The following OCEL1 variants were observed in gnomAD, a reference collection of about 807,000 sequenced individuals.
OCEL1 encodes occludin/ELL domain containing 1, also known as occludin/ELL domain-containing protein 1.
OCEL1 carries 24 observed loss-of-function variants against 29.4 expected under a neutral mutation model. The ratio of observed to expected loss-of-function variants is 0.82; its 90% CI spans 0.59 to 1.15. The LOEUF (loss-of-function observed/expected upper bound fraction) is 1.15. Ranked by LOEUF, OCEL1 falls within the 50% of genes most tolerant of loss-of-function variation. OCEL1 has a pLI of 0.00. For missense variants in OCEL1, 402 were observed against 352.5 expected, an observed-to-expected ratio of 1.14 and a Z score of -1.13; for synonymous variants, 172 against 145.3, an observed-to-expected ratio of 1.18 and a Z score of -1.32.
chr19:17,227,477 G>T (rs1432078803), intron 3 of OCEL1, among the ~76,000 whole-genome samples: 2 of 152,210 alleles, frequency 1.3e-5, no homozygotes, highest in East Asian at 3.9e-4. Context: ...GATCACCTGA[G>T]GTCAGGAGTT....
rs757826867 is a variant in OCEL1 at position 17,228,774 on chromosome 19, CA to C, written c.673-26del. 4 of 1,608,772 alleles carry C rather than the reference CA, an allele frequency of 2.5e-6. No homozygotes were observed. In the South Asian group the frequency reaches 3.3e-5, roughly 13 times the overall value. Reference sequence around the variant, plus strand: ...TTGAAGGCCACAGGGCAGACTGCTGCAAAGACTTCCGGGTCTCGCCCTGCCT... The same window carrying C: ...TTGAAGGCCACAGGGCAGACTGCTGCAAGACTTCCGGGTCTCGCCCTGCCT... On this transcript the variant is annotated intron_variant, in intron 5 of 5. Coordinates refer to ENST00000215061, the MANE Select transcript of OCEL1 (RefSeq NM_024578.3).
In OCEL1 at chr19:17,226,257, C is replaced by T. The variant is rs116007369; in HGVS notation, c.10C>T (p.Pro4Ser). 4 of 1,611,116 alleles carry T rather than the reference C, an allele frequency of 2.5e-6. No individual in the cohort carries two copies. The highest frequency in any genetic ancestry group is 1.1e-5 in the South Asian group (1 of 90,544). MHNPDGSASPTADP... is the reference protein window; with the variant it reads MHNSDGSASPTADP... ...GTCCATCCTGCAGTAAATGCACAACCCGGACGGAAGTGCCTCTCCGACAGC... is the reference window on the plus strand; with the variant it reads ...GTCCATCCTGCAGTAAATGCACAACTCGGACGGAAGTGCCTCTCCGACAGC... The change falls in exon 1 of 6, where the codon CCG (proline) becomes TCG (serine). Residue 4 changes from proline (P) to serine (S), a missense_variant. Physicochemically the swap from Pro to Ser is moderately conservative, Grantham distance 74. Transcript: ENST00000215061.
At position 17,228,244 on chromosome 19, in the gene OCEL1, C is replaced by T; in HGVS notation, c.619-12C>T. 6.2e-7 allele frequency: 1 copy of T among 1,614,012 alleles called. No homozygotes were observed. Among genetic ancestry groups the T allele is most frequent in the Non-Finnish European group, 8.5e-7 (1 of 1,179,966 alleles). On this transcript the variant is annotated splice_polypyrimidine_tract_variant and intron_variant, in intron 4 of 5. Coordinates refer to ENST00000215061, the MANE Select transcript of OCEL1 (RefSeq NM_024578.3). The stretch of plus-strand genomic sequence containing the variant: ...CTCTCCCTAAACCCCCTTTCTACTC[C>T]TCCCCTTGCAGAAGGAGGCCCAAGT...
chr19:17,227,764 GA>G (rs1393480042), intron 3 of OCEL1, 75 bp from the exon 4 acceptor site: 1 of 1,523,504 alleles, frequency 6.6e-7, no homozygotes, highest in Admixed American at 1.9e-5. Flanking sequence ...CATGGACAAA[GA>G]AAAGCAAATT....
chr19:17,227,134 GAA>G lies in OCEL1; in HGVS notation c.388_389del (p.Lys130AlafsTer7). ...TCTCCCAGGCCCTCCTGGGCGCCAA[GAA>G]GCCTATTGGAGCCATCCCTAAGGGG... ...LLSQALLGAK[K>X]PIGAIPKGHK... On this transcript the variant is annotated frameshift_variant, in exon 3 of 6. Transcript: ENST00000215061. LOFTEE classifies it high-confidence loss of function. 6.3e-7 allele frequency: 1 copy of G among 1,598,864 alleles called. No individual in the cohort carries two copies. The highest frequency in any genetic ancestry group is 1.4e-5 in the African/African-American group (1 of 73,802).
chr19:17,226,862 G>A lies in OCEL1; in HGVS notation c.239G>A (p.Gly80Glu). ...GHLHTHPPGP[G>E]PPLQGLAPRG... ...CTGCATACTCACCCGCCTGGGCCTG[G>A]GCCCCCGGTGAGCCTGACCGGGAGG... Residue 80 changes from glycine (G) to glutamate (E), a missense_variant, in exon 2 of 6, where the codon GGG becomes GAG. Physicochemically the swap from Gly to Glu is moderately conservative, Grantham distance 98. Coordinates refer to ENST00000215061, the MANE Select transcript of OCEL1 (RefSeq NM_024578.3). 1 of 1,531,230 alleles carries A rather than the reference G, an allele frequency of 6.5e-7. No individual in the cohort carries two copies. Among genetic ancestry groups the A allele is most frequent in the Non-Finnish European group, 8.7e-7 (1 of 1,145,230 alleles). The allele number at this position is 1,531,230 out of a possible 1,614,324, so 94.9% of individuals were successfully genotyped here. A position where few individuals can be genotyped will look rare whatever the true frequency, so the allele number is the denominator to read the frequency against.
In OCEL1 at chr19:17,227,178, AC is replaced by A; in HGVS notation, c.434del (p.Pro145GlnfsTer12). The A allele has an allele frequency of 6.6e-7, 1 of 1,516,734 alleles. No individual in the cohort carries two copies. Among genetic ancestry groups the A allele is most frequent in the Non-Finnish European group, 8.8e-7 (1 of 1,137,026 alleles). 94.0% of individuals were successfully genotyped at this position (1,516,734 alleles called of 1,614,324 possible). Reference protein sequence around the residue: ...AIPKGHKPRPHPVPDYELKYP... With the variant: ...AIPKGHKPRPXPVPDYELKYP... ...CCTAAGGGGCATAAGCCTAGGCCCCACCCAGTGCCCGACTATGAGCTGTGAG... is the reference window on the plus strand; with the variant it reads ...CCTAAGGGGCATAAGCCTAGGCCCCACCAGTGCCCGACTATGAGCTGTGAG... On this transcript the variant is annotated frameshift_variant, in exon 3 of 6. Coordinates refer to ENST00000215061, the MANE Select transcript of OCEL1 (RefSeq NM_024578.3). LOFTEE classifies it high-confidence loss of function.
rs555820407 is a variant in OCEL1, at chr19:17,228,836, C to G, written c.706C>G (p.His236Asp). The change falls in exon 6 of 6, where the codon CAC becomes GAC. Residue 236 changes from histidine to aspartate, a missense_variant. By Grantham distance (81) the His-to-Asp change is moderately conservative. Coordinates refer to ENST00000215061, the MANE Select transcript of OCEL1 (RefSeq NM_024578.3). ...CTTCCTGGACAAGCAGGCTCGCTGCCACTACCTGAAGGGTAAACTGAGGCA... is the reference window on the plus strand; with the variant it reads ...CTTCCTGGACAAGCAGGCTCGCTGCGACTACCTGAAGGGTAAACTGAGGCA... ...PGFLDKQARC[H>D]YLKGKLRHLK... 58 of 1,613,790 alleles carry G rather than the reference C, an allele frequency of 3.6e-5. No homozygotes were observed. The Middle Eastern group carries it at 6.7e-4, about 19-fold the overall frequency.
chr19:17,227,717 G>C, intron 3 of OCEL1, 123 bp from the exon 4 acceptor site: 2 of 851,820 alleles, frequency 2.3e-6, no homozygotes, highest in Non-Finnish European at 3.5e-6. Context: ...TAAATTAAAA[G>C]AGGGAGAGAA....
rs200917114 is a variant in OCEL1 at position 17,228,034 on chromosome 19, G to A, written c.618+29G>A. 4.3e-4 allele frequency: 695 copies of A among 1,607,454 alleles called. 3 individuals carry two copies. Among genetic ancestry groups the A allele is most frequent in the Non-Finnish European group, 5.5e-4 (645 of 1,177,806 alleles). On this transcript the variant is annotated intron_variant, in intron 4 of 5. Coordinates refer to ENST00000215061, the MANE Select transcript of OCEL1 (RefSeq NM_024578.3). ...AGCACTAGGGAGAAAGCCCTGCCCC[G>A]CAGCCCTTCTGAGTGGCCCGACCCA... is the stretch of plus-strand genomic sequence containing the variant.
intron 5 of OCEL1, 125 bp from the exon 6 acceptor site, chr19:17,228,678 C>T (rs1234824621): frequency 5.9e-6 from 8 of 1,361,258 alleles, no homozygotes; most frequent in East Asian, 5.0e-5. Flanking sequence ...CCGGCTCACC[C>T]GGTCGCCTGT....
Position 17,227,991 on chromosome 19 carries a change from C to G in OCEL1, c.604C>G (p.Pro202Ala). 1 of 1,612,100 alleles carries G rather than the reference C, an allele frequency of 6.2e-7. No homozygotes were observed. The highest frequency in any genetic ancestry group is 8.5e-7 in the Non-Finnish European group (1 of 1,179,966). ...QLEALLSSLP[P>A]PQSQKEAQVA... ...GGAGGCCCTGCTGAGCTCCCTGCCC[C>G]CACCCCAAAGCCAGGTCAGCACTAG... The change falls in exon 4 of 6, where the codon CCA becomes GCA. Residue 202 changes from proline to alanine, a missense_variant. Coordinates refer to ENST00000215061, the MANE Select transcript of OCEL1 (RefSeq NM_024578.3).
At chr19:17,227,580 A>C (rs1258777503) in intron 3 of OCEL1, among the ~76,000 whole-genome samples, 3 of 152,102 alleles carry the variant, frequency 2.0e-5, no homozygotes, top group Admixed American at 2.0e-4. Context: ...AATCCCAGCT[A>C]CTGAAGAGGC....
At position 17,227,925 on chromosome 19, in the gene OCEL1, C is replaced by T; in HGVS notation, c.538C>T (p.Gln180Ter). The T allele has an allele frequency of 2.5e-6, 4 of 1,613,644 alleles. No individual in the cohort carries two copies. The highest frequency in any genetic ancestry group is 3.4e-6 in the Non-Finnish European group (4 of 1,180,020). ...QDQYGEFLEL[Q>*]HEVGCAQAKL... ...CCAGTACGGAGAGTTCTTGGAGCTCCAGCACGAGGTGGGGTGTGCACAGGC... is the reference window on the plus strand; with the variant it reads ...CCAGTACGGAGAGTTCTTGGAGCTCTAGCACGAGGTGGGGTGTGCACAGGC... Residue 180 changes from glutamine to a stop codon, truncating the protein, a stop_gained, in exon 4 of 6, where the codon CAG becomes TAG. Coordinates refer to ENST00000215061, the MANE Select transcript of OCEL1 (RefSeq NM_024578.3). LOFTEE classifies it high-confidence loss of function.
chr19:17,227,475 G>C (rs1173581537), intron 3 of OCEL1, among the ~76,000 whole-genome samples: 3 of 152,168 alleles, frequency 2.0e-5, no homozygotes, highest in Non-Finnish European at 4.4e-5. Context: ...CGGATCACCT[G>C]AGGTCAGGAG....
Position 17,229,177 on chromosome 19 carries a change from C to T in OCEL1, c.*252C>T. ...CTCAACCTGTTCCCTGGAAGTAGGG[C>T]CTGCTCTCCATCCCAGTGAAATAAA... On this transcript the variant is annotated 3_prime_UTR_variant, in exon 6 of 6. Coordinates refer to ENST00000215061, the MANE Select transcript of OCEL1 (RefSeq NM_024578.3). 1 of 354,802 alleles carries T rather than the reference C, an allele frequency of 2.8e-6. No homozygotes were observed. Among genetic ancestry groups the T allele is most frequent in the Admixed American group, 4.0e-5 (1 of 24,706 alleles). The allele number at this position is 354,802 out of a possible 1,614,324, so 22.0% of individuals were successfully genotyped here. A position where few individuals can be genotyped will look rare whatever the true frequency, so the allele number is the denominator to read the frequency against.
intron 5 of OCEL1, 127 bp from the exon 6 acceptor site, chr19:17,228,675 AC>A: frequency 7.5e-7 from 1 of 1,337,670 alleles, no homozygotes; most frequent in Non-Finnish European, 1.0e-6. Flanking sequence ...TGCCCGGCTC[AC>A]CCGGTCGCCT....
At chr19:17,226,364 G>A (rs1434050735) in intron 1 of OCEL1, 48 bp downstream of exon 1, 2 of 1,591,940 alleles carry the variant, frequency 1.3e-6, no homozygotes, top group Middle Eastern at 1.7e-4. Flanking sequence ...GTGGGGCGGA[G>A]GTCCCGAGGA....
Position 17,226,236 on chromosome 19 carries a change from A to G in OCEL1, c.-12A>G, listed in dbSNP as rs764563157. 2.2e-5 allele frequency: 36 copies of G among 1,604,628 alleles called. 1 individual carries two copies. In the South Asian group the frequency reaches 3.9e-4, roughly 17 times the overall value. ...CTGAGCGACCCCGCCAGTCGGGTCC[A>G]TCCTGCAGTAAATGCACAACCCGGA... is the stretch of plus-strand genomic sequence containing the variant. On this transcript the variant is annotated 5_prime_UTR_variant, in exon 1 of 6. Transcript: ENST00000215061.
Sources: allele counts gnomAD v4.1 joint callset (sites outside exome capture counted in the v4.1 genomes callset), GRCh38; gene constraint gnomAD v4.1.1; transcripts MANE v1.5; gene names NCBI Gene and HGNC (gene_info 2026-07-23, HGNC 2026-07-21).